The following AP5M1 variants were observed in gnomAD, a reference collection of about 807,000 sequenced individuals.
The protein encoded by AP5M1 is adaptor related protein complex 5 subunit mu 1.
AP5M1 carries 44 observed loss-of-function variants against 52.3 expected under a neutral mutation model. The observed-to-expected ratio is 0.84, with a 90% CI of 0.66 to 1.08. The LOEUF is 1.08. AP5M1 is among the 50% of genes least tolerant of loss of function. AP5M1 has a pLI of 0.00. For missense variants in AP5M1, 526 were observed against 568.4 expected, an observed-to-expected ratio of 0.93 and a Z score of 0.76; for synonymous variants, 213 against 199.0, an observed-to-expected ratio of 1.07 and a Z score of -0.59.
At chr14:57,284,208 T>A (rs543083629) in intron 6 of AP5M1, among the ~76,000 whole-genome samples, 1 of 152,348 alleles carries the variant, frequency 6.6e-6, no homozygotes, top group East Asian at 1.9e-4. Context: ...ACTTGAAGAT[T>A]GACTAACATT....
In AP5M1 at chr14:57,291,949, A is replaced by C. The variant is rs1885446668; in HGVS notation, c.*3065A>C. 6.6e-6 allele frequency: 1 copy of C among 151,860 alleles called. No individual in the cohort carries two copies. The highest frequency in any genetic ancestry group is 1.5e-5 in the Non-Finnish European group (1 of 67,826). The allele number at this position is 151,860 out of a possible 1,614,324, so 9.4% of individuals were successfully genotyped here. A position where few individuals can be genotyped will look rare whatever the true frequency, so the allele number is the denominator to read the frequency against. On this transcript the variant is annotated 3_prime_UTR_variant, in exon 8 of 8. Transcript: ENST00000261558. ...GACAAAGGTCAAAAAAAGGGGTGTT[A>C]ATAAACAGTCCTCAGGTTTAAGGGA...
At position 57,292,183 on chromosome 14, in the gene AP5M1, C is replaced by T. The variant is rs1885452290; in HGVS notation, c.*3299C>T. 1 of 151,824 alleles carries T rather than the reference C, an allele frequency of 6.6e-6. No individual in the cohort carries two copies. Among genetic ancestry groups the T allele is most frequent in the Admixed American group, 6.6e-5 (1 of 15,182 alleles). 9.4% of individuals were successfully genotyped at this position (151,824 alleles called of 1,614,324 possible). On this transcript the variant is annotated 3_prime_UTR_variant, in exon 8 of 8. Transcript: ENST00000261558. ...GCTAAACATGGGATGAATTCTGAAC[C>T]TTTTAACCTGGCTGAAGTACGTTGG...
At chr14:57,285,820 G>A (rs534515784) in intron 6 of AP5M1, among the ~76,000 whole-genome samples, 2 of 152,074 alleles carry the variant, frequency 1.3e-5, no homozygotes, top group Admixed American at 6.6e-5. Flanking sequence ...ACAGTAGCAC[G>A]GGGGAGACAG....
At chr14:57,282,869 G>T in intron 4 of AP5M1, 65 bp from the exon 5 acceptor site, 2 of 1,130,300 alleles carry the variant, frequency 1.8e-6, no homozygotes, top group South Asian at 3.1e-5. Context: ...GGCCAAGTTT[G>T]ACTTAGATCT....
At chr14:57,279,104 A>G (rs1885110330) in intron 2 of AP5M1, among the ~76,000 whole-genome samples, 1 of 152,224 alleles carries the variant, frequency 6.6e-6, no homozygotes, top group Non-Finnish European at 1.5e-5. Flanking sequence ...TAGTTTAATC[A>G]TTGTGGAAGA....
chr14:57,283,672 A>G (rs989798532), intron 6 of AP5M1, among the ~76,000 whole-genome samples: 2 of 152,052 alleles, frequency 1.3e-5, no homozygotes, highest in East Asian at 1.9e-4. Context: ...GTCTAATTCT[A>G]CTCAGCTCTT....
intron 2 of AP5M1, among the ~76,000 whole-genome samples, chr14:57,276,216 G>T (rs150799816): frequency 7.2e-4 from 110 of 152,188 alleles, no homozygotes; most frequent in Middle Eastern, 3.4e-3. Flanking sequence ...AGGTGTTCAT[G>T]GATTATGTCA....
At chr14:57,282,701 T>A (rs1243469048) in intron 4 of AP5M1, among the ~76,000 whole-genome samples, 4 of 152,234 alleles carry the variant, frequency 2.6e-5, no homozygotes, top group Admixed American at 1.3e-4. Flanking sequence ...TTCGTATGAT[T>A]TCATAGTTGT....
chr14:57,286,996 TACAC>T (rs58786398), intron 7 of AP5M1, among the ~76,000 whole-genome samples: 9,159 of 140,452 alleles, frequency 0.065, 740 homozygotes, highest in African/African-American at 0.19. Flanking sequence ...CACACACACA[TACAC>T]ACACACACAC....
chr14:57,285,497 G>T (rs772765445), intron 6 of AP5M1, among the ~76,000 whole-genome samples: 1 of 151,774 alleles, frequency 6.6e-6, no homozygotes, highest in South Asian at 2.1e-4. Flanking sequence ...AAAAAAGCAC[G>T]CAACAGCCTT....
In AP5M1 at chr14:57,278,777, A is replaced by G. The variant is rs114102108; in HGVS notation, c.721-1418A>G. Among the ~76,000 whole-genome samples, 367 of 152,294 alleles carry G rather than the reference A, an allele frequency of 2.4e-3. 3 individuals carry two copies. Among genetic ancestry groups the G allele is most frequent in the African/African-American group, 8.3e-3 (344 of 41,532 alleles). On this transcript the variant is annotated intron_variant, in intron 2 of 7. Transcript: ENST00000261558. ...AAGACAGTATGATTTATTTAGGGAA[A>G]TGCAAGAATCCAATATGACTACGTG...
chr14:57,292,894 C>A lies in AP5M1; in HGVS notation c.*4010C>A, dbSNP rs751754706. On this transcript the variant is annotated 3_prime_UTR_variant, in exon 8 of 8. Coordinates refer to ENST00000261558, the MANE Select transcript of AP5M1 (RefSeq NM_018229.4). ...GATTTCGAAGCTTTGTTAACTATTTCTTTTCTTGAGGCAAAGGAGCTTCTT... is the reference window on the plus strand; with the variant it reads ...GATTTCGAAGCTTTGTTAACTATTTATTTTCTTGAGGCAAAGGAGCTTCTT... 1.3e-5 allele frequency: 2 copies of A among 151,464 alleles called. No homozygotes were observed. Among genetic ancestry groups the A allele is most frequent in the Non-Finnish European group, 3.0e-5 (2 of 67,704 alleles). 9.4% of individuals were successfully genotyped at this position (151,464 alleles called of 1,614,324 possible). A position where few individuals can be genotyped will look rare whatever the true frequency, so the allele number is the denominator to read the frequency against.
chr14:57,286,221 A>G lies in AP5M1; in HGVS notation c.1294-2A>G, dbSNP rs758486812. ...TTTGGTACATTTCTCTCTTCTTTCT[A>G]GCTTCATTTTAGGATCTTAGATTAC... On this transcript the variant is annotated splice_acceptor_variant, in intron 6 of 7. Coordinates refer to ENST00000261558, the MANE Select transcript of AP5M1 (RefSeq NM_018229.4). LOFTEE classifies it high-confidence loss of function. The G allele has an allele frequency of 5.0e-6, 8 of 1,585,556 alleles. No homozygotes were observed. The highest frequency in any genetic ancestry group is 1.3e-5 in the African/African-American group (1 of 74,312).
At chr14:57,281,063 A>ATT (rs1566516995) in intron 3 of AP5M1, among the ~76,000 whole-genome samples, 7 of 152,112 alleles carry the variant, frequency 4.6e-5, no homozygotes, top group Non-Finnish European at 1.0e-4. Flanking sequence ...TGAATTACAA[A>ATT]TATATATTAT....
chr14:57,276,767 G>A (rs1885049515), intron 2 of AP5M1, among the ~76,000 whole-genome samples: 1 of 152,074 alleles, frequency 6.6e-6, no homozygotes, highest in South Asian at 2.1e-4. Flanking sequence ...TCTTAGTCCT[G>A]ATACAGATTA....
Position 57,288,968 on chromosome 14 carries a change from ACCTGTGAGTG to A in AP5M1, c.*85_*94del. ...TATATTTTTAATGTGGATGCATATA[ACCTGTGAGTG>A]AAAAATCACTGAATGATTTAATTGT... On this transcript the variant is annotated 3_prime_UTR_variant, in exon 8 of 8. Transcript: ENST00000261558. 1 of 770,882 alleles carries A rather than the reference ACCTGTGAGTG, an allele frequency of 1.3e-6. No homozygotes were observed. The highest frequency in any genetic ancestry group is 2.1e-6 in the Non-Finnish European group (1 of 481,280). The allele number at this position is 770,882 out of a possible 1,614,324, so 47.8% of individuals were successfully genotyped here.
chr14:57,286,371 G>A (rs1885309541), intron 7 of AP5M1, 52 bp downstream of exon 7: 5 of 1,124,532 alleles, frequency 4.4e-6, no homozygotes, highest in Non-Finnish European at 6.7e-6. Context: ...GGTGTTTGCA[G>A]TTATTACCTA....
chr14:57,277,207 A>G (rs1409930644), intron 2 of AP5M1, among the ~76,000 whole-genome samples: 1 of 151,808 alleles, frequency 6.6e-6, no homozygotes, highest in Admixed American at 6.6e-5. Flanking sequence ...AAGGTAGTAC[A>G]CCAATTCCTT....
Position 57,280,385 on chromosome 14 carries a change from C to T in AP5M1, c.911C>T (p.Pro304Leu), listed in dbSNP as rs1364112982. The T allele has an allele frequency of 6.2e-7, 1 of 1,613,508 alleles. No individual in the cohort carries two copies. The highest frequency in any genetic ancestry group is 8.5e-7 in the Non-Finnish European group (1 of 1,179,538). The change falls in exon 3 of 8, where the codon CCT (proline) becomes CTT (leucine). Residue 304 changes from proline (P) to leucine (L), a missense_variant. Coordinates refer to ENST00000261558, the MANE Select transcript of AP5M1 (RefSeq NM_018229.4). ...CCTTACAAATTTCCATTCACTCCAC[C>T]TTTAGAGTCATTCAACTTATGCTTC... is the stretch of plus-strand genomic sequence containing the variant. ...SGPYKFPFTP[P>L]LESFNLCFYT...
Sources: allele counts gnomAD v4.1 joint callset (sites outside exome capture counted in the v4.1 genomes callset), GRCh38; gene constraint gnomAD v4.1.1; transcripts MANE v1.5; gene names NCBI Gene and HGNC (gene_info 2026-07-23, HGNC 2026-07-21).